Variants in C11orf52 observed in about 807,000 individuals in gnomAD.
C11orf52 encodes the protein uncharacterized protein C11orf52.
Under a neutral mutation model 11.7 loss-of-function variants are expected in C11orf52, and 9 were observed. The ratio of observed to expected loss-of-function variants is 0.77; its 90% CI spans 0.46 to 1.34. The LOEUF is 1.34. C11orf52 is among the 40% of genes most tolerant of loss of function. The pLI is 0.00. For missense variants in C11orf52, 139 were observed against 154.8 expected, an observed-to-expected ratio of 0.90 and a Z score of 0.54; for synonymous variants, 49 against 57.4, an observed-to-expected ratio of 0.85 and a Z score of 0.66.
At chr11:111,920,200 T>C (rs1965668773) in intron 1 of C11orf52, among the ~76,000 whole-genome samples, 1 of 150,824 alleles carries the variant, frequency 6.6e-6, no homozygotes, top group Non-Finnish European at 1.5e-5. Flanking sequence ...GTCTCAAAAA[T>C]AAAATAAAAT....
intron 2 of C11orf52, among the ~76,000 whole-genome samples, chr11:111,924,879 T>A (rs145748656): frequency 6.6e-6 from 1 of 152,272 alleles, no homozygotes; most frequent in East Asian, 1.9e-4. Context: ...TCCCAGCACT[T>A]TGGGAGGCCA....
At chr11:111,924,403 A>T in intron 2 of C11orf52, 40 bp downstream of exon 2, 1 of 1,554,112 alleles carries the variant, frequency 6.4e-7, no homozygotes. Flanking sequence ...GGGGAGGCAA[A>T]TTAGAGAAGA....
intron 3 of C11orf52, 24 bp downstream of exon 3, chr11:111,925,738 C>T: frequency 6.2e-7 from 1 of 1,613,444 alleles, no homozygotes; most frequent in Non-Finnish European, 8.5e-7. Flanking sequence ...TCTGTCCCCT[C>T]TCTGGGGCTG....
intron 1 of C11orf52, among the ~76,000 whole-genome samples, chr11:111,921,116 A>G (rs1965691179): frequency 6.6e-6 from 1 of 152,240 alleles, no homozygotes; most frequent in African/African-American, 2.4e-5. Context: ...GGAAGATGTC[A>G]TGTTATAAAT....
At chr11:111,924,518 A>G (rs1275304841) in intron 2 of C11orf52, among the ~76,000 whole-genome samples, 155 bp downstream of exon 2, 1 of 152,202 alleles carries the variant, frequency 6.6e-6, no homozygotes, top group Non-Finnish European at 1.5e-5. Context: ...ATTCAAGACT[A>G]GTTCTGAACC....
intron 1 of C11orf52, among the ~76,000 whole-genome samples, chr11:111,921,818 T>C (rs1965703937): frequency 6.6e-6 from 1 of 151,542 alleles, no homozygotes; most frequent in Non-Finnish European, 1.5e-5. Flanking sequence ...CCATGAGGTC[T>C]GAATTATATT....
intron 1 of C11orf52, among the ~76,000 whole-genome samples, chr11:111,924,072 CTGGT>C (rs1483682529): frequency 2.0e-5 from 3 of 152,206 alleles, no homozygotes; most frequent in African/African-American, 7.2e-5. Context: ...CATGTAGTGC[CTGGT>C]TGCCTGAGGC....
At chr11:111,922,452 A>C (rs797041778) in intron 1 of C11orf52, among the ~76,000 whole-genome samples, 23 of 152,308 alleles carry the variant, frequency 1.5e-4, no homozygotes, top group African/African-American at 5.3e-4. Flanking sequence ...CATTGCAGAA[A>C]ATTTAACTTC....
Position 111,925,949 on chromosome 11 carries a change from A to G in C11orf52, c.133-11A>G, listed in dbSNP as rs2137406667. 6.2e-7 allele frequency: 1 copy of G among 1,614,122 alleles called. No homozygotes were observed. Among genetic ancestry groups the G allele is most frequent in the East Asian group, 2.2e-5 (1 of 44,882 alleles). On this transcript the variant is annotated splice_polypyrimidine_tract_variant and intron_variant, in intron 3 of 3. Transcript: ENST00000278601. ...CCATGAATCTCCCTTAATGCTATCCATTCCTCGCAGGGCCATGAAACAACA... is the reference window on the plus strand; with the variant it reads ...CCATGAATCTCCCTTAATGCTATCCGTTCCTCGCAGGGCCATGAAACAACA...
chr11:111,920,694 G>A lies in C11orf52; in HGVS notation c.32+1690G>A, dbSNP rs372486771. ...CAGGAGGATCACCTGAGCCCTGGGG[G>A]TAGAGGCTGCAGTGAACCATGATCA... On this transcript the variant is annotated intron_variant, in intron 1 of 3. Coordinates refer to ENST00000278601, the MANE Select transcript of C11orf52 (RefSeq NM_080659.3). 2.0e-5 allele frequency among the ~76,000 whole-genome samples: 3 copies of A among 152,244 alleles called. No individual in the cohort carries two copies. The South Asian group carries it at 6.2e-4, about 32-fold the overall frequency.
intron 2 of C11orf52, among the ~76,000 whole-genome samples, chr11:111,925,349 A>C (rs1227997061): frequency 1.3e-5 from 2 of 152,178 alleles, no homozygotes; most frequent in Admixed American, 1.3e-4. Flanking sequence ...GAAACAGCTT[A>C]CTCATCCTTC....
Position 111,925,546 on chromosome 11 carries a change from G to T in C11orf52, c.71-107G>T. The T allele has an allele frequency of 1.2e-5, 13 of 1,089,984 alleles. 1 individual carries two copies. The South Asian group carries it at 1.8e-4, about 15-fold the overall frequency. The allele number at this position is 1,089,984 out of a possible 1,614,324, so 67.5% of individuals were successfully genotyped here. ...AAAGAAGTGAGAATGGAGGCAGGGG[G>T]ATTAGACAGAAGCCTGCCGTTAATA... is the stretch of plus-strand genomic sequence containing the variant. On this transcript the variant is annotated intron_variant, in intron 2 of 3. Transcript: ENST00000278601.
intron 1 of C11orf52, among the ~76,000 whole-genome samples, chr11:111,921,449 T>G (rs1555166563): frequency 6.6e-6 from 1 of 152,218 alleles, no homozygotes; most frequent in Non-Finnish European, 1.5e-5. Context: ...CCTAACATCA[T>G]GGAAAATTTT....
chr11:111,924,199 G>T (rs913406810), intron 1 of C11orf52, 127 bp from the exon 2 acceptor site: 10 of 868,966 alleles, frequency 1.2e-5, no homozygotes, highest in Admixed American at 8.8e-5. Flanking sequence ...GGCTCAGGGT[G>T]AATCTTTGTT....
chr11:111,919,267 G>A (rs1292892402), intron 1 of C11orf52: 10 of 480,074 alleles, frequency 2.1e-5, no homozygotes, highest in African/African-American at 5.8e-5. Context: ...GAGGTCAGTA[G>A]ATCGAGACCA....
Position 111,926,243 on chromosome 11 carries a change from G to A in C11orf52, c.*44G>A, listed in dbSNP as rs1395197699. ...CAGTCCATCGTTAACCACTACACCT[G>A]TGGGGGAGAACCTACTGCTTTGGGG... On this transcript the variant is annotated 3_prime_UTR_variant, in exon 4 of 4. Transcript: ENST00000278601. 1 of 1,604,102 alleles carries A rather than the reference G, an allele frequency of 6.2e-7. No homozygotes were observed. The highest frequency in any genetic ancestry group is 8.5e-7 in the Non-Finnish European group (1 of 1,173,384).
intron 1 of C11orf52, among the ~76,000 whole-genome samples, chr11:111,919,777 G>A (rs1212905336): frequency 6.6e-6 from 1 of 152,198 alleles, no homozygotes; most frequent in Admixed American, 6.5e-5. Flanking sequence ...AAGGTCACAT[G>A]GCTGGTAAGC....
rs782490077 is a variant in C11orf52, at chr11:111,925,694, C to A, written c.112C>A (p.Leu38Met). Residue 38 changes from leucine to methionine, a missense_variant, in exon 3 of 4, where the codon CTG (leucine) becomes ATG (methionine). Leu to Met is a conservative substitution (Grantham distance 15). Coordinates refer to ENST00000278601, the MANE Select transcript of C11orf52 (RefSeq NM_080659.3). Reference sequence around the variant, plus strand: ...GACACTGAAGCCGCAGCCACAACAGCTGCAGCAGAATCTCCCAAAGGTAAT... The same window carrying A: ...GACACTGAAGCCGCAGCCACAACAGATGCAGCAGAATCTCCCAAAGGTAAT... ...RRTLKPQPQQ[L>M]QQNLPKGHET... 1.2e-6 allele frequency: 2 copies of A among 1,614,154 alleles called. No homozygotes were observed. Among genetic ancestry groups the A allele is most frequent in the African/African-American group, 2.7e-5 (2 of 74,960 alleles).
chr11:111,926,292 T>C lies in C11orf52; in HGVS notation c.*93T>C. 1 of 1,548,738 alleles carries C rather than the reference T, an allele frequency of 6.5e-7. No individual in the cohort carries two copies. Among genetic ancestry groups the C allele is most frequent in the Non-Finnish European group, 8.8e-7 (1 of 1,142,692 alleles). ...GGAATTGGGTGGCAACCCAGGGATG[T>C]TGTCCACGTTTTAAGCTTAAAGAAC... On this transcript the variant is annotated 3_prime_UTR_variant, in exon 4 of 4. Coordinates refer to ENST00000278601, the MANE Select transcript of C11orf52 (RefSeq NM_080659.3).
Sources: gnomAD v4.1 joint callset for allele counts (sites outside exome capture counted in the v4.1 genomes callset) on GRCh38, gnomAD v4.1.1 for gene constraint, MANE v1.5 for transcripts, NCBI Gene and HGNC (gene_info 2026-07-23, HGNC 2026-07-21) for gene names.